The following RHOBTB1 variants were observed in gnomAD, a reference collection of about 807,000 sequenced individuals.
The protein encoded by RHOBTB1 is Rho related BTB domain containing 1.
RHOBTB1 carries 40 observed loss-of-function variants against 71.6 expected under a neutral mutation model. The ratio of observed to expected loss-of-function variants is 0.56; its 90% confidence interval spans 0.43 to 0.73. The LOEUF (loss-of-function observed/expected upper bound fraction) is 0.73. Among genes scored for constraint, RHOBTB1 ranks in the 30% least tolerant of loss-of-function variants. The pLI is 0.00. For missense variants in RHOBTB1, 797 were observed against 894.0 expected, an observed-to-expected ratio of 0.89 and a Z score of 1.38; for synonymous variants, 319 against 334.9, an observed-to-expected ratio of 0.95 and a Z score of 0.52.
At chr10:60,880,202 T>TGTGTGTGTGTGA (rs1418979791) in intron 7 of RHOBTB1, among the ~76,000 whole-genome samples, 1 of 126,934 alleles carries the variant, frequency 7.9e-6, no homozygotes, top group East Asian at 2.3e-4. Context: ...TGTGTGTGTG[T>TGTGTGTGTGTGA]GAGAGAGAGA....
chr10:60,869,331 T>C (rs887659991), downstream of RHOBTB1: 1 of 152,214 alleles, frequency 6.6e-6, no homozygotes. Context: ...TACTGGAGCA[T>C]GCACAAGCCC....
chr10:60,904,627 T>C (rs2082573537), intron 4 of RHOBTB1, among the ~76,000 whole-genome samples: 1 of 152,178 alleles, frequency 6.6e-6, no homozygotes, highest in South Asian at 2.1e-4. Flanking sequence ...ATCAGAAAAT[T>C]CCAGGACGGT....
chr10:60,939,382 CA>C (rs1465965054), intron 2 of RHOBTB1, among the ~76,000 whole-genome samples: 1 of 151,934 alleles, frequency 6.6e-6, no homozygotes, highest in Non-Finnish European at 1.5e-5. Flanking sequence ...TATTTGTTTA[CA>C]AACTAAAAAT....
chr10:60,883,799 G>T (rs1465270697), intron 7 of RHOBTB1, among the ~76,000 whole-genome samples: 1 of 152,178 alleles, frequency 6.6e-6, no homozygotes, highest in Non-Finnish European at 1.5e-5. Flanking sequence ...CACAACCACA[G>T]TATGGGTTAT....
intron 4 of RHOBTB1, among the ~76,000 whole-genome samples, chr10:60,894,730 C>G (rs972107077): frequency 2.6e-5 from 4 of 152,042 alleles, no homozygotes; most frequent in African/African-American, 9.7e-5. Context: ...ATCTGAGGTT[C>G]AAAATTATAC....
chr10:60,951,467 T>C (rs1338335501), intron 2 of RHOBTB1, among the ~76,000 whole-genome samples: 1 of 152,246 alleles, frequency 6.6e-6, no homozygotes, highest in East Asian at 1.9e-4. Flanking sequence ...TCACATGACC[T>C]AAATTTATCA....
At chr10:60,936,226 T>C (rs900265999) in intron 2 of RHOBTB1, among the ~76,000 whole-genome samples, 29 of 152,348 alleles carry the variant, frequency 1.9e-4, no homozygotes, top group African/African-American at 6.5e-4. Flanking sequence ...CCAGCATTTA[T>C]ATGGGAGCTG....
At chr10:60,905,898 A>G (rs1001707119) in intron 4 of RHOBTB1, among the ~76,000 whole-genome samples, 4 of 152,278 alleles carry the variant, frequency 2.6e-5, no homozygotes, top group African/African-American at 9.6e-5. Context: ...AGATACAAAC[A>G]CCAGTCACTA....
chr10:60,872,369 G>C, intron 9 of RHOBTB1, 79 bp from the exon 10 acceptor site: 1 of 1,012,644 alleles, frequency 9.9e-7, no homozygotes, highest in Non-Finnish European at 1.6e-6. Context: ...GCCATTTTAA[G>C]GGTGAAAAGA....
chr10:60,943,449 G>A (rs2085029517), intron 1 of RHOBTB1, among the ~76,000 whole-genome samples: 1 of 152,102 alleles, frequency 6.6e-6, no homozygotes, highest in African/African-American at 2.4e-5. Flanking sequence ...AGCTCCTCCT[G>A]TTGTCACAGC....
chr10:60,973,502 G>T (rs2086227221), intron 2 of RHOBTB1, among the ~76,000 whole-genome samples: 1 of 151,968 alleles, frequency 6.6e-6, no homozygotes, highest in Admixed American at 6.6e-5. Flanking sequence ...TCTGAAAAAA[G>T]TAATTTAGGG....
intron 2 of RHOBTB1, among the ~76,000 whole-genome samples, chr10:60,975,967 T>C (rs1021314241): frequency 2.0e-5 from 3 of 152,080 alleles, no homozygotes; most frequent in Non-Finnish European, 4.4e-5. Flanking sequence ...TCTGGTTCTC[T>C]GCCCAGTCAG....
intron 10 of RHOBTB1, 135 bp from the exon 11 acceptor site, chr10:60,871,786 CA>C: frequency 1.3e-6 from 1 of 749,686 alleles, no homozygotes. Context: ...GGGCCATTTG[CA>C]AAAGGTGACA....
At chr10:60,981,734 C>A (rs1367936519) in intron 2 of RHOBTB1, among the ~76,000 whole-genome samples, 1 of 151,906 alleles carries the variant, frequency 6.6e-6, no homozygotes, top group Non-Finnish European at 1.5e-5. Flanking sequence ...TTACTAACAG[C>A]AAAAGTTAAA....
At chr10:60,976,314 A>G (rs183795396) in intron 2 of RHOBTB1, among the ~76,000 whole-genome samples, 2 of 151,620 alleles carry the variant, frequency 1.3e-5, no homozygotes, top group Admixed American at 1.3e-4. Flanking sequence ...GACTATATGT[A>G]TATATATTAT....
intron 2 of RHOBTB1, among the ~76,000 whole-genome samples, chr10:60,952,215 G>A (rs530105555): frequency 6.9e-4 from 105 of 152,222 alleles, no homozygotes; most frequent in African/African-American, 2.4e-3. Context: ...CTTTTATGGT[G>A]TTATCTGTTC....
chr10:60,890,445 C>T (rs2081861716), intron 5 of RHOBTB1, among the ~76,000 whole-genome samples: 1 of 152,074 alleles, frequency 6.6e-6, no homozygotes, highest in Admixed American at 6.6e-5. Flanking sequence ...GGCTGGCACA[C>T]AAGGCCCATT....
the RHOBTB1 span, among the ~76,000 whole-genome samples, chr10:60,861,547 T>G: frequency 1.1e-4 from 17 of 152,166 alleles, no homozygotes; most frequent in Non-Finnish European, 5.9e-5. Flanking sequence ...GGCTTTCATC[T>G]GAAGGCCTTG....
rs2081594447 is a variant in RHOBTB1 at position 60,886,715 on chromosome 10, T to C, written c.1457-485A>G. On this transcript the variant is annotated intron_variant, in intron 6 of 10. Transcript: ENST00000337910. Reference sequence around the variant, plus strand: ...CCGAATTACTGTTTTTTTTAAGAGATGTGGGGGGGGGTGGGTCTGGCTATG... The same window carrying C: ...CCGAATTACTGTTTTTTTTAAGAGACGTGGGGGGGGGTGGGTCTGGCTATG... Among the ~76,000 whole-genome samples, 3 of 124,380 alleles carry C rather than the reference T, an allele frequency of 2.4e-5. No homozygotes were observed. The Admixed American group carries it at 2.4e-4, about 10-fold the overall frequency. 81.6% of individuals were successfully genotyped at this position (124,380 alleles called of 152,430 possible).
Sources: gnomAD v4.1 joint callset for allele counts (sites outside exome capture counted in the v4.1 genomes callset) on GRCh38, gnomAD v4.1.1 for gene constraint, MANE v1.5 for transcripts, NCBI Gene and HGNC (gene_info 2026-07-23, HGNC 2026-07-21) for gene names.